Variants in DLGAP1 observed in about 807,000 individuals in gnomAD.
DLGAP1 encodes DLG associated protein 1.
A neutral mutation model predicts 90.8 loss-of-function variants in DLGAP1; 11 were observed. The observed-to-expected ratio is 0.12, with a 90% CI of 0.08 to 0.20. DLGAP1 has a LOEUF of 0.20. Ranked by LOEUF, DLGAP1 falls within the 10% of genes least tolerant of loss-of-function variation. DLGAP1 has a pLI of 1.00. For synonymous variants in DLGAP1, 558 were observed against 540.7 expected, an observed-to-expected ratio of 1.03 and a Z score of -0.44; for missense variants, 1,050 against 1,333.8, an observed-to-expected ratio of 0.79 and a Z score of 3.31.
At chr18:3,883,019 G>A (rs1443081936) in intron 3 of DLGAP1, among the ~76,000 whole-genome samples, 3 of 152,178 alleles carry the variant, frequency 2.0e-5, no homozygotes, top group African/African-American at 4.8e-5. Context: ...CGAGGCAGGC[G>A]AATCACCTGA....
intron 2 of DLGAP1, among the ~76,000 whole-genome samples, chr18:4,051,474 C>T (rs928564327): frequency 6.6e-6 from 1 of 152,206 alleles, no homozygotes; most frequent in African/African-American, 2.4e-5. Flanking sequence ...ACCATAAGAT[C>T]TTGTGAGAAC....
At chr18:3,836,384 G>T (rs2068380184) in intron 4 of DLGAP1, among the ~76,000 whole-genome samples, 1 of 152,150 alleles carries the variant, frequency 6.6e-6, no homozygotes, top group Non-Finnish European at 1.5e-5. Context: ...CTGTGTGAGG[G>T]CATGGGTATA....
intron 1 of DLGAP1, among the ~76,000 whole-genome samples, chr18:4,180,926 A>G (rs1033544564): frequency 2.0e-5 from 3 of 152,128 alleles, no homozygotes; most frequent in Non-Finnish European, 4.4e-5. Flanking sequence ...GCCAGGCTGG[A>G]GACAGAGGGA....
Position 3,809,249 on chromosome 18 carries a change from G to A in DLGAP1, c.1172+4810C>T, listed in dbSNP as rs188830393. 1.6e-3 allele frequency among the ~76,000 whole-genome samples: 248 copies of A among 152,276 alleles called. 1 individual carries two copies. The highest frequency in any genetic ancestry group is 5.8e-3 in the African/African-American group (243 of 41,558). ...TTTGGGGTGGGAGGAGTTGTAGGGA[G>A]AGCCGCCCAAGTGGTGCCATCCACG... On this transcript the variant is annotated intron_variant, in intron 5 of 12. Transcript: ENST00000315677.
intron 7 of DLGAP1, among the ~76,000 whole-genome samples, chr18:3,719,368 CTG>C (rs1348441180): frequency 2.0e-3 from 301 of 151,832 alleles, no homozygotes; most frequent in African/African-American, 6.2e-3. Context: ...AGATCAAGAC[CTG>C]ATACAGCAAA....
intron 3 of DLGAP1, among the ~76,000 whole-genome samples, chr18:3,895,319 ACAT>A (rs548203011): frequency 4.7e-3 from 691 of 148,394 alleles, no homozygotes; most frequent in Non-Finnish European, 5.0e-3. Context: ...ACACACACAC[ACAT>A]CATCATCATC....
intron 10 of DLGAP1, among the ~76,000 whole-genome samples, chr18:3,529,117 C>G (rs1438163045): frequency 1.3e-5 from 2 of 152,222 alleles, no homozygotes; most frequent in Non-Finnish European, 2.9e-5. Context: ...AATGTCTGTG[C>G]TCCTCTAAAA....
chr18:4,176,163 T>G (rs1433361426), intron 1 of DLGAP1, among the ~76,000 whole-genome samples: 1 of 152,104 alleles, frequency 6.6e-6, no homozygotes, highest in Admixed American at 6.5e-5. Context: ...AGCTTGGTAT[T>G]TTATTCTCTT....
chr18:4,060,491 G>A (rs11659610), intron 2 of DLGAP1, among the ~76,000 whole-genome samples: 16,704 of 152,174 alleles, frequency 0.11, 1,010 homozygotes, highest in Non-Finnish European at 0.14. Flanking sequence ...CTTTAACCTC[G>A]ACAGTCCTGC....
At chr18:3,984,795 C>T (rs745761789) in intron 3 of DLGAP1, among the ~76,000 whole-genome samples, 1 of 152,030 alleles carries the variant, frequency 6.6e-6, no homozygotes, top group Non-Finnish European at 1.5e-5. Flanking sequence ...GTTCATCTTT[C>T]CCCTGTTAAT....
chr18:3,544,347 C>T (rs1386480113), intron 9 of DLGAP1, among the ~76,000 whole-genome samples: 1 of 152,162 alleles, frequency 6.6e-6, no homozygotes, highest in Non-Finnish European at 1.5e-5. Context: ...GAGATTGTGC[C>T]ACTGCACTCC....
chr18:4,016,729 C>A (rs1190033665), intron 2 of DLGAP1, among the ~76,000 whole-genome samples: 2 of 152,202 alleles, frequency 1.3e-5, no homozygotes, highest in Non-Finnish European at 2.9e-5. Context: ...AAGTGTGATA[C>A]TTCTACCTGC....
rs553279860 is a variant in DLGAP1, at chr18:4,375,810, T to A, written c.-267+79196A>T. On this transcript the variant is annotated intron_variant, in intron 1 of 12. Transcript: ENST00000315677. ...TATGATTTGAGAGTTGAATTTATCATACTAAATGTTTTCTTCAAACAGAGT... is the reference window on the plus strand; with the variant it reads ...TATGATTTGAGAGTTGAATTTATCAAACTAAATGTTTTCTTCAAACAGAGT... 6.6e-5 allele frequency among the ~76,000 whole-genome samples: 10 copies of A among 152,278 alleles called. No individual in the cohort carries two copies. In the East Asian group the frequency reaches 1.9e-3, roughly 29 times the overall value.
chr18:4,362,604 T>C (rs1409129026), intron 1 of DLGAP1, among the ~76,000 whole-genome samples: 2 of 152,084 alleles, frequency 1.3e-5, no homozygotes, highest in Non-Finnish European at 2.9e-5. Context: ...TACTGTTTAA[T>C]GGGTACAGAG....
intron 1 of DLGAP1, among the ~76,000 whole-genome samples, chr18:4,164,593 T>G (rs1008947731): frequency 4.6e-5 from 7 of 152,030 alleles, no homozygotes; most frequent in African/African-American, 1.7e-4. Context: ...GGCAGGAGAA[T>G]TGCTTGAACC....
chr18:3,867,763 T>C (rs2070491019), intron 4 of DLGAP1, among the ~76,000 whole-genome samples: 1 of 152,242 alleles, frequency 6.6e-6, no homozygotes, highest in Admixed American at 6.5e-5. Flanking sequence ...TAGAATCTAA[T>C]AAATAAAACT....
chr18:3,569,504 T>C (rs1325234794), intron 8 of DLGAP1, among the ~76,000 whole-genome samples: 6 of 152,030 alleles, frequency 3.9e-5, no homozygotes, highest in Admixed American at 2.6e-4. Context: ...TGCCCTTCAT[T>C]GGAGAGAGTC....
chr18:4,014,186 A>G (rs9963953), intron 2 of DLGAP1, among the ~76,000 whole-genome samples: 2,507 of 151,048 alleles, frequency 0.017, 73 homozygotes, highest in African/African-American at 0.058. Flanking sequence ...CCCAGGTTCA[A>G]GTGATACTCC....
At chr18:3,547,437 C>A (rs1472977768) in intron 9 of DLGAP1, among the ~76,000 whole-genome samples, 2 of 150,218 alleles carry the variant, frequency 1.3e-5, no homozygotes, top group Admixed American at 1.3e-4. Context: ...ATTAAATAAC[C>A]CAATTAAAAA....
Sources: gnomAD v4.1 joint callset for allele counts (sites outside exome capture counted in the v4.1 genomes callset) on GRCh38, gnomAD v4.1.1 for gene constraint, MANE v1.5 for transcripts, NCBI Gene and HGNC (gene_info 2026-07-23, HGNC 2026-07-21) for gene names.